The following ANKS1B variants were observed in gnomAD, a reference collection of about 807,000 sequenced individuals.
ANKS1B encodes the protein ankyrin repeat and sterile alpha motif domain containing 1B.
ANKS1B carries 36 observed loss-of-function variants against 148.3 expected under a neutral mutation model. The observed-to-expected ratio is 0.24, with a 90% CI of 0.19 to 0.32. The LOEUF (loss-of-function observed/expected upper bound fraction) is 0.32. Ranked by LOEUF, ANKS1B falls within the 10% of genes least tolerant of loss-of-function variation. The probability of loss-of-function intolerance (pLI) is 1.00; values close to 1 mark genes in which losing one functional copy is unlikely to be tolerated. For missense variants in ANKS1B, 1,157 were observed against 1,542.6 expected, an observed-to-expected ratio of 0.75 and a Z score of 4.19; for synonymous variants, 542 against 560.8, an observed-to-expected ratio of 0.97 and a Z score of 0.47.
chr12:98,914,454 G>T (rs1337324001), intron 17 of ANKS1B, among the ~76,000 whole-genome samples: 1 of 152,126 alleles, frequency 6.6e-6, no homozygotes, highest in Non-Finnish European at 1.5e-5. Context: ...CAGCAGTCAT[G>T]TCTACTCCAA....
intron 17 of ANKS1B, among the ~76,000 whole-genome samples, chr12:98,966,238 G>GGAT (rs1481640663): frequency 6.6e-6 from 1 of 152,182 alleles, no homozygotes; most frequent in Non-Finnish European, 1.5e-5. Context: ...AGTGGGCAAA[G>GGAT]GATCTGAACA....
At chr12:99,027,508 AAC>A (rs1304080563) in intron 17 of ANKS1B, among the ~76,000 whole-genome samples, 2 of 152,228 alleles carry the variant, frequency 1.3e-5, no homozygotes, top group African/African-American at 4.8e-5. Flanking sequence ...TGACTTGATA[AAC>A]AGTTTCATGG....
At chr12:99,660,363 C>CTTTTTTTTTTTTTTT (rs71088137) in intron 8 of ANKS1B, among the ~76,000 whole-genome samples, 2 of 120,594 alleles carry the variant, frequency 1.7e-5, no homozygotes, top group Non-Finnish European at 3.3e-5. Context: ...TTTTCTTTTT[C>CTTTTTTTTTTTTTTT]TTTTTTTTTT....
chr12:99,716,035 C>G (rs1417695986), intron 8 of ANKS1B, among the ~76,000 whole-genome samples: 1 of 152,090 alleles, frequency 6.6e-6, no homozygotes, highest in East Asian at 1.9e-4. Context: ...TGCCTCGGTC[C>G]TTCACCCTTA....
At chr12:99,638,272 T>G (rs1284383397) in intron 9 of ANKS1B, among the ~76,000 whole-genome samples, 1 of 152,112 alleles carries the variant, frequency 6.6e-6, no homozygotes, top group Non-Finnish European at 1.5e-5. Flanking sequence ...AGTCTGCAAC[T>G]TCCTAGAGAC....
intron 18 of ANKS1B, among the ~76,000 whole-genome samples, chr12:98,830,847 C>T (rs2099303713): frequency 6.6e-6 from 1 of 151,774 alleles, no homozygotes; most frequent in South Asian, 2.1e-4. Context: ...TCATCTTTCT[C>T]ACTTCCTCTC....
At chr12:99,462,488 T>C (rs2095997321) in intron 10 of ANKS1B, among the ~76,000 whole-genome samples, 1 of 152,168 alleles carries the variant, frequency 6.6e-6, no homozygotes, top group Non-Finnish European at 1.5e-5. Flanking sequence ...CCGAAATCAC[T>C]CAATAAATCT....
At chr12:99,502,220 T>G (rs2096662516) in intron 10 of ANKS1B, among the ~76,000 whole-genome samples, 3 of 152,172 alleles carry the variant, frequency 2.0e-5, no homozygotes, top group Non-Finnish European at 2.9e-5. Flanking sequence ...TCCTGCATTT[T>G]CCTATTTTAA....
chr12:99,666,380 G>A (rs542339713), intron 8 of ANKS1B, among the ~76,000 whole-genome samples: 1 of 152,254 alleles, frequency 6.6e-6, no homozygotes, highest in South Asian at 2.1e-4. Context: ...AATTTGGGGA[G>A]AACAAATATC....
At chr12:99,408,968 A>G (rs2094598378) in intron 11 of ANKS1B, among the ~76,000 whole-genome samples, 1 of 151,950 alleles carries the variant, frequency 6.6e-6, no homozygotes, top group African/African-American at 2.4e-5. Context: ...AATAACTAGA[A>G]ATAGAACTAC....
intron 12 of ANKS1B, among the ~76,000 whole-genome samples, chr12:99,364,670 T>G (rs1319883015): frequency 6.6e-6 from 1 of 152,216 alleles, no homozygotes; most frequent in African/African-American, 2.4e-5. Context: ...TCCCAGAGTA[T>G]TTCAGATAAT....
intron 17 of ANKS1B, among the ~76,000 whole-genome samples, chr12:98,996,396 G>A (rs574098187): frequency 1.2e-4 from 19 of 152,184 alleles, no homozygotes; most frequent in African/African-American, 4.3e-4. Flanking sequence ...AAATACATTA[G>A]TGTCTGAGTG....
intron 17 of ANKS1B, among the ~76,000 whole-genome samples, chr12:99,010,267 C>T (rs1279452056): frequency 6.6e-6 from 1 of 152,138 alleles, no homozygotes; most frequent in Non-Finnish European, 1.5e-5. Flanking sequence ...GTGCTTTTTT[C>T]TTCATTTATA....
intron 14 of ANKS1B, among the ~76,000 whole-genome samples, chr12:99,218,580 T>C (rs1259263451): frequency 2.6e-5 from 4 of 152,284 alleles, no homozygotes; most frequent in Non-Finnish European, 5.9e-5. Flanking sequence ...CCTGGAAAGA[T>C]TCATGAAATA....
intron 12 of ANKS1B, among the ~76,000 whole-genome samples, chr12:99,304,710 T>A (rs1312038583): frequency 6.6e-6 from 1 of 152,144 alleles, no homozygotes. Flanking sequence ...TTCTGAGTGA[T>A]CTCTGTTTAT....
At chr12:99,382,341 G>A (rs2093672717) in intron 12 of ANKS1B, among the ~76,000 whole-genome samples, 1 of 152,146 alleles carries the variant, frequency 6.6e-6, no homozygotes, top group Non-Finnish European at 1.5e-5. Flanking sequence ...AACAAACTTA[G>A]CCAAATGGAA....
intron 10 of ANKS1B, among the ~76,000 whole-genome samples, chr12:99,481,025 C>CT (rs991971364): frequency 2.7e-4 from 40 of 150,570 alleles, no homozygotes; most frequent in African/African-American, 5.6e-4. Context: ...GAGCAAATGT[C>CT]TTTTTTTAAA....
intron 1 of ANKS1B, among the ~76,000 whole-genome samples, chr12:99,967,547 T>A (rs1036819823): frequency 6.6e-6 from 1 of 152,012 alleles, no homozygotes; most frequent in African/African-American, 2.4e-5. Context: ...GCCTCCCAAG[T>A]CACAGGGATT....
At chr12:99,771,639 A>C (rs1230250957) in intron 8 of ANKS1B, among the ~76,000 whole-genome samples, 1 of 152,116 alleles carries the variant, frequency 6.6e-6, no homozygotes, top group Non-Finnish European at 1.5e-5. Context: ...TTATTTCATT[A>C]ATATAAAAAT....
Sources: allele counts gnomAD v4.1 joint callset (sites outside exome capture counted in the v4.1 genomes callset), GRCh38; gene constraint gnomAD v4.1.1; transcripts MANE v1.5; gene names NCBI Gene and HGNC (gene_info 2026-07-23, HGNC 2026-07-21).